SLC2A13: variants seen among roughly 807,000 people sequenced by gnomAD.
SLC2A13 encodes solute carrier family 2 member 13, also known as proton myo-inositol cotransporter.
A neutral mutation model predicts 64.4 loss-of-function variants in SLC2A13; 32 were observed. The observed-to-expected ratio is 0.50, with a 90% CI of 0.37 to 0.67. The LOEUF is 0.67. Ranked by LOEUF, SLC2A13 falls within the 30% of genes least tolerant of loss-of-function variation. The pLI, the probability that SLC2A13 is intolerant of heterozygous loss-of-function variation, is 0.00. For missense variants in SLC2A13, 743 were observed against 829.2 expected (o/e 0.90, Z 1.28); for synonymous variants, 338 against 327.1 (o/e 1.03, Z -0.36).
At chr12:39,887,447 A>G (rs1944495640) in intron 4 of SLC2A13, among the ~76,000 whole-genome samples, 1 of 152,170 alleles carries the variant, frequency 6.6e-6, no homozygotes, top group African/African-American at 2.4e-5. Flanking sequence ...AAATACACCC[A>G]GAGCAGGCTT....
At chr12:39,895,757 TACGTACACAC>T (rs1330980749) in intron 4 of SLC2A13, among the ~76,000 whole-genome samples, 8,217 of 90,834 alleles carry the variant, frequency 0.09, 1,686 homozygotes, top group Non-Finnish European at 0.1. Flanking sequence ...TATGCGTGTA[TACGTACACAC>T]ATGTATATGC....
intron 3 of SLC2A13, among the ~76,000 whole-genome samples, chr12:39,968,760 G>T (rs1312730654): frequency 3.3e-5 from 2 of 59,836 alleles, no homozygotes; most frequent in Non-Finnish European, 4.5e-5. Context: ...TTTTTTTTTG[G>T]TATATATATA....
intron 4 of SLC2A13, among the ~76,000 whole-genome samples, chr12:39,900,111 G>T (rs1458337239): frequency 6.6e-6 from 1 of 151,954 alleles, no homozygotes; most frequent in Non-Finnish European, 1.5e-5. Flanking sequence ...CTCAATAGAG[G>T]CAGAAAAGGC....
chr12:39,912,304 A>AAAT (rs1251535653), intron 4 of SLC2A13, among the ~76,000 whole-genome samples: 2 of 151,922 alleles, frequency 1.3e-5, no homozygotes, highest in Non-Finnish European at 2.9e-5. Flanking sequence ...TAATAATAGT[A>AAAT]AATAATAATA....
chr12:40,097,604 C>CAAGT (rs1486006061), intron 1 of SLC2A13, among the ~76,000 whole-genome samples: 10 of 152,014 alleles, frequency 6.6e-5, no homozygotes, highest in Admixed American at 6.6e-4. Context: ...TACAAATGTA[C>CAAGT]AAGTGGCCAA....
chr12:39,969,487 C>T (rs1430211346), intron 3 of SLC2A13, among the ~76,000 whole-genome samples: 1 of 152,178 alleles, frequency 6.6e-6, no homozygotes, highest in Non-Finnish European at 1.5e-5. Flanking sequence ...TTAATGATTG[C>T]CATTCTAACT....
At chr12:39,883,879 A>C (rs1163727150) in intron 4 of SLC2A13, among the ~76,000 whole-genome samples, 2 of 152,218 alleles carry the variant, frequency 1.3e-5, no homozygotes, top group African/African-American at 4.8e-5. Flanking sequence ...ACACGGAAGT[A>C]TATTCACGTA....
At chr12:39,944,173 G>A (rs1474192257) in intron 4 of SLC2A13, among the ~76,000 whole-genome samples, 2 of 152,192 alleles carry the variant, frequency 1.3e-5, no homozygotes, top group Non-Finnish European at 2.9e-5. Flanking sequence ...TTTTGGAGTT[G>A]ATTTCCAGTT....
At chr12:39,965,587 A>G (rs1946496026) in intron 3 of SLC2A13, among the ~76,000 whole-genome samples, 1 of 152,190 alleles carries the variant, frequency 6.6e-6, no homozygotes, top group South Asian at 2.1e-4. Context: ...ACAGATGTCT[A>G]CTTATATATC....
intron 4 of SLC2A13, among the ~76,000 whole-genome samples, chr12:39,886,191 T>G (rs191714661): frequency 1.3e-5 from 2 of 152,106 alleles, no homozygotes; most frequent in Non-Finnish European, 1.5e-5. Context: ...GAGGAACTAG[T>G]TGAACTGTAA....
At chr12:39,784,616 A>C (rs943287992) in intron 7 of SLC2A13, among the ~76,000 whole-genome samples, 3 of 152,248 alleles carry the variant, frequency 2.0e-5, no homozygotes, top group African/African-American at 7.2e-5. Flanking sequence ...TAAAACCATA[A>C]AAACCCTAGA....
At chr12:39,885,886 C>T (rs1018340441) in intron 4 of SLC2A13, among the ~76,000 whole-genome samples, 3 of 152,144 alleles carry the variant, frequency 2.0e-5, no homozygotes, top group East Asian at 1.9e-4. Flanking sequence ...GAGATTCTAA[C>T]GTATTTGGTT....
At chr12:39,877,478 A>G (rs925043342) in intron 4 of SLC2A13, among the ~76,000 whole-genome samples, 9 of 152,196 alleles carry the variant, frequency 5.9e-5, no homozygotes, top group Non-Finnish European at 1.2e-4. Context: ...TCAAGAGGTG[A>G]TTTGGGTGGG....
At chr12:39,942,137 T>C (rs1946039685) in intron 4 of SLC2A13, among the ~76,000 whole-genome samples, 1 of 152,200 alleles carries the variant, frequency 6.6e-6, no homozygotes, top group Admixed American at 6.5e-5. Context: ...TGAAATCAGG[T>C]AGTGTGATGC....
At position 39,826,029 on chromosome 12, in the gene SLC2A13, T is replaced by G. The variant is rs570566979; in HGVS notation, c.1445+4074A>C. Among the ~76,000 whole-genome samples the G allele has an allele frequency of 6.6e-5, 10 of 152,280 alleles. No individual in the cohort carries two copies. In the South Asian group the frequency reaches 2.1e-3, roughly 32 times the overall value. ...GTTGTTTTGTAGTTTTATTGCATTT[T>G]TATTAGAAAACATGTTCTGGATGAT... is the stretch of plus-strand genomic sequence containing the variant. On this transcript the variant is annotated intron_variant, in intron 7 of 9. Transcript: ENST00000280871.
chr12:40,072,834 T>C (rs1938016273), intron 1 of SLC2A13, among the ~76,000 whole-genome samples: 1 of 152,140 alleles, frequency 6.6e-6, no homozygotes, highest in Non-Finnish European at 1.5e-5. Context: ...GCCTTTTAAT[T>C]GGTACATTTA....
At chr12:39,891,484 C>G (rs777138897) in intron 4 of SLC2A13, among the ~76,000 whole-genome samples, 2 of 152,012 alleles carry the variant, frequency 1.3e-5, no homozygotes, top group Non-Finnish European at 2.9e-5. Flanking sequence ...CTTAAGAAAG[C>G]ATATGAAAAT....
intron 6 of SLC2A13, among the ~76,000 whole-genome samples, chr12:39,851,574 C>A (rs757527980): frequency 3.7e-4 from 56 of 152,124 alleles, no homozygotes; most frequent in Non-Finnish European, 8.8e-5. Context: ...GAAGGAGCAA[C>A]ATTATCATCC....
chr12:39,930,266 G>A (rs535800517), intron 4 of SLC2A13, among the ~76,000 whole-genome samples: 3 of 152,262 alleles, frequency 2.0e-5, no homozygotes, highest in African/African-American at 4.8e-5. Flanking sequence ...GCAGCAAGGT[G>A]GAGGAGGGGG....
Sources: gnomAD v4.1 joint callset for allele counts (sites outside exome capture counted in the v4.1 genomes callset) on GRCh38, gnomAD v4.1.1 for gene constraint, MANE v1.5 for transcripts, NCBI Gene and HGNC (gene_info 2026-07-23, HGNC 2026-07-21) for gene names.